Variants in SYNM observed in about 807,000 individuals in gnomAD.
SYNM encodes desmuslin.
A neutral mutation model predicts 104.0 loss-of-function variants in SYNM; 95 were observed. The observed-to-expected ratio is 0.91, with a 90% CI of 0.77 to 1.08. The LOEUF (loss-of-function observed/expected upper bound fraction) is 1.08, where lower values mean the gene tolerates loss of function less well. SYNM is among the 50% of genes least tolerant of loss of function. SYNM has a pLI of 0.00. For missense variants in SYNM, 2,150 were observed against 2,052.2 expected, an observed-to-expected ratio of 1.05 and a Z score of -0.92; for synonymous variants, 918 against 869.0, an observed-to-expected ratio of 1.06 and a Z score of -0.99.
chr15:99,129,270 T>C (rs2067474707), intron 3 of SYNM, 97 bp from the exon 4 acceptor site: 1 of 1,487,602 alleles, frequency 6.7e-7, no homozygotes, highest in African/African-American at 1.4e-5. Context: ...TGTATATTTA[T>C]TATGATGGAA....
At position 99,126,766 on chromosome 15, in the gene SYNM, C is replaced by A. The variant is rs781976862; in HGVS notation, c.980C>A (p.Ala327Asp). Reference sequence around the variant, plus strand: ...AGTAATCCAGAGATAGTGATCTGGGCTGAGCACGTTGAAAACATGCCGTCA... The same window carrying A: ...AGTAATCCAGAGATAGTGATCTGGGATGAGCACGTTGAAAACATGCCGTCA... ...GESNPEIVIW[A>D]EHVENMPSEF... The change falls in exon 3 of 4, where the codon GCT (alanine) becomes GAT (aspartate). Residue 327 changes from alanine to aspartate, a missense_variant. Ala to Asp is a moderately radical substitution (Grantham distance 126). Transcript: ENST00000336292. 1.3e-6 allele frequency: 2 copies of A among 1,578,652 alleles called. No homozygotes were observed. The highest frequency in any genetic ancestry group is 2.7e-5 in the African/African-American group (2 of 74,164).
At chr15:99,125,926 T>G (rs1164899845) in intron 2 of SYNM, among the ~76,000 whole-genome samples, 1 of 152,158 alleles carries the variant, frequency 6.6e-6, no homozygotes, top group Non-Finnish European at 1.5e-5. Context: ...TCTCCTCAGC[T>G]CTGGGATCTG....
chr15:99,112,013 C>A (rs2067303808), intron 1 of SYNM, among the ~76,000 whole-genome samples: 1 of 152,252 alleles, frequency 6.6e-6, no homozygotes, highest in Non-Finnish European at 1.5e-5. Flanking sequence ...TGTGCCATTG[C>A]ACTCCAGCCT....
At chr15:99,126,641 G>A (rs1271295529) in intron 2 of SYNM, 81 bp from the exon 3 acceptor site, 40 of 1,320,274 alleles carry the variant, frequency 3.0e-5, no homozygotes, top group Admixed American at 6.1e-5. Flanking sequence ...GTCATTGGCC[G>A]CATACCACGA....
At position 99,105,419 on chromosome 15, in the gene SYNM, C is replaced by G. The variant is rs1555482395; in HGVS notation, c.220C>G (p.Leu74Val). The G allele has an allele frequency of 6.7e-7, 1 of 1,495,680 alleles. No homozygotes were observed. Among genetic ancestry groups the G allele is most frequent in the Admixed American group, 2.2e-5 (1 of 46,360 alleles). 92.7% of individuals were successfully genotyped at this position (1,495,680 alleles called of 1,614,324 possible). The part of the protein sequence containing the change: ...ARSLRQQLDE[L>V]SWATALAEGE... ...CAGCTTGCGGCAGCAGCTGGACGAGCTGAGCTGGGCCACTGCGCTGGCGGA... is the reference window on the plus strand; with the variant it reads ...CAGCTTGCGGCAGCAGCTGGACGAGGTGAGCTGGGCCACTGCGCTGGCGGA... Residue 74 changes from leucine (L) to valine (V), a missense_variant, in exon 1 of 4, where the codon CTG (leucine) becomes GTG (valine). Transcript: ENST00000336292.
intron 2 of SYNM, among the ~76,000 whole-genome samples, chr15:99,115,438 A>T (rs1555483829): frequency 4.4e-5 from 6 of 135,622 alleles, no homozygotes; most frequent in South Asian, 2.3e-4. Flanking sequence ...ATTATTTTTT[A>T]TTTTAATTTT....
Position 99,129,860 on chromosome 15 carries a change from A to G in SYNM, c.1500A>G (p.Thr500=). 6.2e-7 allele frequency: 1 copy of G among 1,613,728 alleles called. No homozygotes were observed. The highest frequency in any genetic ancestry group is 8.5e-7 in the Non-Finnish European group (1 of 1,179,786). ...NERTVILGKK[T]EVKATREQER... ...GGACCGTCATTCTGGGAAAGAAAAC[A>G]GAAGTGAAAGCCACGAGGGAGCAAG... The change falls in exon 4 of 4, where the codon ACA becomes ACG. Residue 500 remains threonine (T), a synonymous_variant. Transcript: ENST00000336292.
chr15:99,139,893 G>A, downstream of SYNM: 2 of 539,574 alleles, frequency 3.7e-6, no homozygotes, highest in Non-Finnish European at 5.7e-6. Context: ...CCCAGGGCTG[G>A]CTTTGGCTTG....
At chr15:99,138,424 A>T (rs1555488311), downstream of SYNM, among the ~76,000 whole-genome samples, 1 of 151,580 alleles carries the variant, frequency 6.6e-6, no homozygotes, top group Non-Finnish European at 1.5e-5. Flanking sequence ...AGCAACTCTC[A>T]TGCCTCAGTC....
In SYNM at chr15:99,105,636, C is replaced by T. The variant is rs1555482499; in HGVS notation, c.437C>T (p.Ala146Val). 7.5e-7 allele frequency: 1 copy of T among 1,334,100 alleles called. No individual in the cohort carries two copies. The allele number at this position is 1,334,100 out of a possible 1,614,324, so 82.6% of individuals were successfully genotyped here. A position where few individuals can be genotyped will look rare whatever the true frequency, so the allele number is the denominator to read the frequency against. ...CAGGCCGAGCGCCGAGGCCTCGACG[C>T]GGCCCACGAACGCGACGTGAGGGAG... ...RLQAERRGLDAAHERDVRELR... is the reference protein window; with the variant it reads ...RLQAERRGLDVAHERDVRELR... Residue 146 changes from alanine to valine, a missense_variant, in exon 1 of 4, where the codon GCG (alanine) becomes GTG (valine). Physicochemically the swap from Ala to Val is moderately conservative, Grantham distance 64. Coordinates refer to ENST00000336292, the MANE Select transcript of SYNM (RefSeq NM_145728.3).
At chr15:99,121,135 A>G (rs2067397005) in intron 2 of SYNM, among the ~76,000 whole-genome samples, 1 of 152,056 alleles carries the variant, frequency 6.6e-6, no homozygotes, top group Non-Finnish European at 1.5e-5. Context: ...TTTGAATAAG[A>G]GAATAAGTTG....
Position 99,105,187 on chromosome 15 carries a change from C to G in SYNM, c.-13C>G. 1 of 1,569,930 alleles carries G rather than the reference C, an allele frequency of 6.4e-7. No individual in the cohort carries two copies. Among genetic ancestry groups the G allele is most frequent in the Non-Finnish European group, 8.6e-7 (1 of 1,161,586 alleles). The stretch of plus-strand genomic sequence containing the variant: ...GAGCCGGCCAGCCGCGAGAACCCCG[C>G]ACGCCCGGCAAGATGCTGTCCTGGC... On this transcript the variant is annotated 5_prime_UTR_variant, in exon 1 of 4. Coordinates refer to ENST00000336292, the MANE Select transcript of SYNM (RefSeq NM_145728.3).
chr15:99,129,830 T>C lies in SYNM; in HGVS notation c.1470T>C (p.Asn490=). Residue 490 remains asparagine, a synonymous_variant, in exon 4 of 4, where the codon AAT becomes AAC. Transcript: ENST00000336292. ...AAGASESTRS[N]ERTVILGKKT... The stretch of plus-strand genomic sequence containing the variant: ...GTGCTTCGGAAAGCACACGGTCAAA[T>C]GAGAGGACCGTCATTCTGGGAAAGA... 1 of 1,612,968 alleles carries C rather than the reference T, an allele frequency of 6.2e-7. No individual in the cohort carries two copies. The highest frequency in any genetic ancestry group is 1.7e-5 in the Admixed American group (1 of 59,928).
chr15:99,123,527 G>A (rs1253018162), intron 2 of SYNM, among the ~76,000 whole-genome samples: 7 of 152,122 alleles, frequency 4.6e-5, no homozygotes, highest in Admixed American at 3.9e-4. Context: ...TGGTCTTCCC[G>A]GTGACTGACC....
chr15:99,140,062 TGCC>T, downstream of SYNM: 1 of 215,564 alleles, frequency 4.6e-6, no homozygotes, highest in Non-Finnish European at 9.5e-6. Context: ...CTTTACTGAA[TGCC>T]AAAGACCCTT....
Position 99,132,023 on chromosome 15 carries a change from C to A in SYNM, c.3663C>A (p.Ser1221Arg). The change falls in exon 4 of 4, where the codon AGC becomes AGA. Residue 1221 changes from serine (S) to arginine (R), a missense_variant. By Grantham distance (110) the Ser-to-Arg change is moderately radical. Transcript: ENST00000336292. ...SADMDGSGRH[S>R]TFGCRQFHAE... ...ATATGGACGGATCAGGGAGGCACAG[C>A]ACATTTGGCTGCAGACAATTTCATG... The A allele has an allele frequency of 6.2e-7, 1 of 1,613,976 alleles. No individual in the cohort carries two copies. The highest frequency in any genetic ancestry group is 8.5e-7 in the Non-Finnish European group (1 of 1,179,906).
At position 99,105,469 on chromosome 15, in the gene SYNM, C is replaced by T. The variant is rs1555482425; in HGVS notation, c.270C>T (p.Arg90=). The change falls in exon 1 of 4, where the codon CGC becomes CGT. Residue 90 remains arginine, a synonymous_variant. Coordinates refer to ENST00000336292, the MANE Select transcript of SYNM (RefSeq NM_145728.3). ...AGGGCGAGCGGGACGCTCTGCGGCG[C>T]GAGCTGCGGGAGCTGCAGCGCCTGG... The part of the protein sequence containing the change: ...LAEGERDALR[R]ELRELQRLDA... 2.2e-6 allele frequency: 3 copies of T among 1,393,612 alleles called. No individual in the cohort carries two copies. In the East Asian group the frequency reaches 9.4e-5, roughly 43 times the overall value. The allele number at this position is 1,393,612 out of a possible 1,614,324, so 86.3% of individuals were successfully genotyped here. A position where few individuals can be genotyped will look rare whatever the true frequency, so the allele number is the denominator to read the frequency against.
intron 3 of SYNM, chr15:99,129,071 G>C (rs1172857436): frequency 1.1e-5 from 4 of 351,904 alleles, no homozygotes; most frequent in African/African-American, 8.3e-5. Flanking sequence ...GACCTCTCTG[G>C]GATATGCATT....
At chr15:99,128,157 C>T (rs768448087) in intron 3 of SYNM, among the ~76,000 whole-genome samples, 3 of 152,124 alleles carry the variant, frequency 2.0e-5, no homozygotes, top group African/African-American at 2.4e-5. Flanking sequence ...TTTTATTAGA[C>T]GTTGAGCTTC....
Sources: allele counts gnomAD v4.1 joint callset (sites outside exome capture counted in the v4.1 genomes callset), GRCh38; gene constraint gnomAD v4.1.1; transcripts MANE v1.5; gene names NCBI Gene and HGNC (gene_info 2026-07-23, HGNC 2026-07-21).